Variants in PTCHD1 observed in about 807,000 individuals in gnomAD.
PTCHD1 encodes patched domain-containing protein 1.
In PTCHD1, 3 loss-of-function variants were observed where a neutral mutation model predicts 34.6. The ratio of observed to expected loss-of-function variants is 0.09; its 90% CI spans 0.04 to 0.22. PTCHD1 has a LOEUF of 0.22. Ranked by LOEUF, PTCHD1 falls within the 10% of genes least tolerant of loss-of-function variation. PTCHD1 has a pLI of 1.00. For synonymous variants in PTCHD1, 305 were observed against 283.1 expected (o/e 1.08, Z -0.77); for missense variants, 504 against 685.5 (o/e 0.74, Z 2.96).
intron 2 of PTCHD1, among the ~76,000 whole-genome samples, chrX:23,390,615 A>C (rs139424713): frequency 1.4e-3 from 153 of 112,107 alleles, no homozygotes; most frequent in Middle Eastern, 4.6e-3. Flanking sequence ...GTGCTAGTTA[A>C]CAAATTGACA....
chrX:23,346,125 C>T (rs1921471032), intron 1 of PTCHD1, among the ~76,000 whole-genome samples: 1 of 112,294 alleles, frequency 8.9e-6, no homozygotes, highest in Admixed American at 9.4e-5. Context: ...CTGCCATTTG[C>T]CTTTTCCAGA....
At chrX:23,366,952 A>ACC (rs1312128389) in intron 1 of PTCHD1, among the ~76,000 whole-genome samples, 1 of 92,484 alleles carries the variant, frequency 1.1e-5, no homozygotes, top group African/African-American at 4.0e-5. Flanking sequence ...ACACACACAC[A>ACC]CCCCTGCATC....
intron 1 of PTCHD1, among the ~76,000 whole-genome samples, chrX:23,361,715 C>T (rs753197468): frequency 2.3e-3 from 258 of 111,612 alleles, no homozygotes; most frequent in Non-Finnish European, 3.3e-3. Flanking sequence ...GTTATTTTGC[C>T]CATTAGTTGA....
upstream of PTCHD1, chrX:23,334,501 C>T (rs1921090975): frequency 8.9e-6 from 1 of 111,901 alleles, no homozygotes; most frequent in Non-Finnish European, 1.9e-5. Flanking sequence ...CTGCCCCGGG[C>T]CCCGCCCGCG....
At chrX:23,342,082 A>C (rs950700358) in intron 1 of PTCHD1, among the ~76,000 whole-genome samples, 3 of 108,072 alleles carry the variant, frequency 2.8e-5, no homozygotes, top group African/African-American at 9.9e-5. Flanking sequence ...GCAAGTGTCT[A>C]CTGTGGGCAA....
At chrX:23,382,522 T>G in intron 2 of PTCHD1, among the ~76,000 whole-genome samples, 1 of 112,594 alleles carries the variant, frequency 8.9e-6, no homozygotes, top group Non-Finnish European at 1.9e-5. Flanking sequence ...GATGGAAAGA[T>G]GCTGTTAGCA....
chrX:23,339,339 T>C (rs1305736527), intron 1 of PTCHD1, among the ~76,000 whole-genome samples: 2 of 111,842 alleles, frequency 1.8e-5, no homozygotes, highest in South Asian at 3.7e-4. Context: ...AGTTTCAAAA[T>C]TGGGTAGGGG....
Position 23,398,095 on chromosome X carries a change from T to G in PTCHD1, c.*3910T>G, listed in dbSNP as rs1923035970. 8.9e-6 allele frequency: 1 copy of G among 111,809 alleles called. No homozygotes were observed. The highest frequency in any genetic ancestry group is 1.9e-5 in the Non-Finnish European group (1 of 53,208). 9.2% of individuals were successfully genotyped at this position (111,809 alleles called of 1,213,427 possible). Reference sequence around the variant, plus strand: ...AAATCAGATTTTTTAAAATCTGCTCTTGTAGAGTCTACCTTTGAGTGACAT... The same window carrying G: ...AAATCAGATTTTTTAAAATCTGCTCGTGTAGAGTCTACCTTTGAGTGACAT... On this transcript the variant is annotated 3_prime_UTR_variant, in exon 3 of 3. Coordinates refer to ENST00000379361, the MANE Select transcript of PTCHD1 (RefSeq NM_173495.3).
Position 23,394,142 on chromosome X carries a change from A to C in PTCHD1, c.2624A>C (p.Asp875Ala), listed in dbSNP as rs1297413834. 2.5e-6 allele frequency: 3 copies of C among 1,206,795 alleles called. No homozygotes were observed. The highest frequency in any genetic ancestry group is 3.5e-5 in the African/African-American group (2 of 56,521). The change falls in exon 3 of 3, where the codon GAT becomes GCT. Residue 875 changes from aspartate (D) to alanine (A), a missense_variant. Physicochemically the swap from Asp to Ala is moderately radical, Grantham distance 126. Coordinates refer to ENST00000379361, the MANE Select transcript of PTCHD1 (RefSeq NM_173495.3). ...GAAATTGAGTGTGTAGAAATGGTAGATATCGATAGTACCCGTGTGGTTGAC... is the reference window on the plus strand; with the variant it reads ...GAAATTGAGTGTGTAGAAATGGTAGCTATCGATAGTACCCGTGTGGTTGAC... ...REEIECVEMVDIDSTRVVDQI... is the reference protein window; with the variant it reads ...REEIECVEMVAIDSTRVVDQI...
Position 23,394,149 on chromosome X carries a change from T to C in PTCHD1, c.2631T>C (p.Asp877=), listed in dbSNP as rs1922909061. 1 of 1,205,356 alleles carries C rather than the reference T, an allele frequency of 8.3e-7. No homozygotes were observed. The highest frequency in any genetic ancestry group is 1.8e-5 in the African/African-American group (1 of 56,406). Residue 877 remains aspartate (D), a synonymous_variant, in exon 3 of 3, where the codon GAT becomes GAC. Transcript: ENST00000379361. ...AGTGTGTAGAAATGGTAGATATCGA[T>C]AGTACCCGTGTGGTTGACCAAATTA... is the stretch of plus-strand genomic sequence containing the variant. The part of the protein sequence containing the change: ...EIECVEMVDI[D]STRVVDQITT...
intron 2 of PTCHD1, among the ~76,000 whole-genome samples, chrX:23,384,761 G>A (rs1486366616): frequency 9.0e-6 from 1 of 111,659 alleles, no homozygotes; most frequent in African/African-American, 3.3e-5. Flanking sequence ...AGAAAATGAG[G>A]GAAAAATCAG....
chrX:23,363,094 T>G (rs982444547), intron 1 of PTCHD1, among the ~76,000 whole-genome samples: 3 of 112,512 alleles, frequency 2.7e-5, no homozygotes, highest in African/African-American at 9.7e-5. Context: ...CCAGTTAGGC[T>G]ACACGGGTGT....
rs1435322514 is a variant in PTCHD1, at chrX:23,392,592, A to G, written c.1074A>G (p.Gln358=). 3.3e-6 allele frequency: 4 copies of G among 1,209,526 alleles called. No individual in the cohort carries two copies. Among genetic ancestry groups the G allele is most frequent in the Non-Finnish European group, 4.5e-6 (4 of 893,255 alleles). Residue 358 remains glutamine (Q), a synonymous_variant, in exon 3 of 3, where the codon CAA becomes CAG. Transcript: ENST00000379361. ...CCTGGAGGAAAACTAGAGAAGACCA[A>G]CATGTTAAAGAGAGAACTGCAGCAG... ...LSSWRKTRED[Q]HVKERTAAVY... is the part of the protein sequence containing the mutation.
intron 1 of PTCHD1, among the ~76,000 whole-genome samples, chrX:23,370,386 C>T (rs763644836): frequency 1.3e-4 from 14 of 111,940 alleles, no homozygotes; most frequent in Non-Finnish European, 1.9e-4. Context: ...CATAGTTTGA[C>T]CTTTTGCCCT....
chrX:23,387,956 C>T (rs1313106849), intron 2 of PTCHD1, among the ~76,000 whole-genome samples: 1 of 111,864 alleles, frequency 8.9e-6, no homozygotes, highest in Non-Finnish European at 1.9e-5. Context: ...CTCAGTCCTG[C>T]ACTGTGACTG....
At chrX:23,371,541 A>T (rs1348850556) in intron 1 of PTCHD1, among the ~76,000 whole-genome samples, 4 of 111,773 alleles carry the variant, frequency 3.6e-5, no homozygotes, top group Non-Finnish European at 7.5e-5. Flanking sequence ...CCTGCTTAGA[A>T]TTGAGATAGT....
At chrX:23,364,199 TGG>T (rs1337604545) in intron 1 of PTCHD1, among the ~76,000 whole-genome samples, 1 of 110,389 alleles carries the variant, frequency 9.1e-6, no homozygotes, top group Non-Finnish European at 1.9e-5. Flanking sequence ...CTGGGGATAG[TGG>T]GGTTATTGAC....
intron 1 of PTCHD1, among the ~76,000 whole-genome samples, chrX:23,365,524 A>G (rs910859055): frequency 7.2e-5 from 8 of 111,215 alleles, no homozygotes; most frequent in Non-Finnish European, 9.4e-5. Context: ...AGGAGCCTAA[A>G]AGGGCATATA....
In PTCHD1 at chrX:23,394,541, T is replaced by A. The variant is rs1922937907; in HGVS notation, c.*356T>A. ...CCTGCCTTATCCAAACTGCAGATGTTGCTGGCATTGTGACAAAACCCACTG... is the reference window on the plus strand; with the variant it reads ...CCTGCCTTATCCAAACTGCAGATGTAGCTGGCATTGTGACAAAACCCACTG... On this transcript the variant is annotated 3_prime_UTR_variant, in exon 3 of 3. Transcript: ENST00000379361. 1 of 156,891 alleles carries A rather than the reference T, an allele frequency of 6.4e-6. No individual in the cohort carries two copies. Among genetic ancestry groups the A allele is most frequent in the Non-Finnish European group, 1.2e-5 (1 of 82,504 alleles). 12.9% of individuals were successfully genotyped at this position (156,891 alleles called of 1,213,427 possible). A position where few individuals can be genotyped will look rare whatever the true frequency, so the allele number is the denominator to read the frequency against.
Sources: gnomAD v4.1 joint callset for allele counts (sites outside exome capture counted in the v4.1 genomes callset) on GRCh38, gnomAD v4.1.1 for gene constraint, MANE v1.5 for transcripts, NCBI Gene and HGNC (gene_info 2026-07-23, HGNC 2026-07-21) for gene names.